Variants in UST observed in about 807,000 individuals in gnomAD.
UST encodes uronyl 2-sulfotransferase, also known as chondroitin sulfate 2-O-sulfotransferase.
A neutral mutation model predicts 45.6 loss-of-function variants in UST; 21 were observed. That is an observed-to-expected ratio of 0.46 (90% CI 0.33 to 0.66). UST has a LOEUF of 0.66. Among genes scored for constraint, UST ranks in the 30% least tolerant of loss-of-function variants. The pLI is 0.02. For missense variants in UST, 463 were observed against 512.4 expected (o/e 0.90, Z 0.93); for synonymous variants, 215 against 200.6 (o/e 1.07, Z -0.61).
chr6:148,862,641 G>T (rs1300517853), intron 1 of UST, among the ~76,000 whole-genome samples: 1 of 152,200 alleles, frequency 6.6e-6, no homozygotes, highest in African/African-American at 2.4e-5. Flanking sequence ...GGTACTGGTT[G>T]TTCCTTTCCA....
chr6:149,011,277 T>C (rs979023829), intron 5 of UST, among the ~76,000 whole-genome samples: 1 of 152,058 alleles, frequency 6.6e-6, no homozygotes, highest in African/African-American at 2.4e-5. Flanking sequence ...ATTGAACTCA[T>C]GGAGATAGAG....
Position 148,953,924 on chromosome 6 carries a change from G to T in UST, c.500G>T (p.Arg167Leu). The T allele has an allele frequency of 1.2e-6, 2 of 1,607,860 alleles. No individual in the cohort carries two copies. The highest frequency in any genetic ancestry group is 1.7e-6 in the Non-Finnish European group (2 of 1,177,578). The change falls in exon 4 of 8, where the codon CGA becomes CTA. Residue 167 changes from arginine (R) to leucine (L), a missense_variant. Around this residue, in one of 2 missense-constraint regions of UST, gnomAD observed 287 missense variants for 374.2 expected, o/e 0.77. Transcript: ENST00000367463. ...STAEQPYLFT[R>L]HVHFLNFSRF... ...GCCGAACAACCCTATTTATTCACTC[G>T]ACATGTTCATTTCCTCAACTTCTCA... is the stretch of plus-strand genomic sequence containing the variant.
chr6:149,060,857 A>G (rs985043258), intron 7 of UST, among the ~76,000 whole-genome samples: 2 of 152,224 alleles, frequency 1.3e-5, no homozygotes, highest in African/African-American at 4.8e-5. Context: ...CTGAAGCTGT[A>G]GAACTGGTGC....
At chr6:149,067,177 C>T (rs994304123) in intron 7 of UST, among the ~76,000 whole-genome samples, 5 of 152,268 alleles carry the variant, frequency 3.3e-5, no homozygotes, top group Middle Eastern at 3.4e-3. Context: ...TTTGGGACAA[C>T]GTTCATCTGA....
At position 148,998,539 on chromosome 6, in the gene UST, T is replaced by C. The variant is rs1406754088; in HGVS notation, c.682-20600T>C. Reference sequence around the variant, plus strand: ...TCCATGATTATTTTAAGCTTGAGAATAGCAAAATTGTAGCCCCCATAGGAT... The same window carrying C: ...TCCATGATTATTTTAAGCTTGAGAACAGCAAAATTGTAGCCCCCATAGGAT... On this transcript the variant is annotated intron_variant, in intron 5 of 7. Coordinates refer to ENST00000367463, the MANE Select transcript of UST (RefSeq NM_005715.3). 3.3e-5 allele frequency among the ~76,000 whole-genome samples: 5 copies of C among 152,318 alleles called. No individual in the cohort carries two copies. The East Asian group carries it at 9.6e-4, about 29-fold the overall frequency.
chr6:148,951,107 C>A (rs1348190303), intron 3 of UST, among the ~76,000 whole-genome samples: 2 of 152,176 alleles, frequency 1.3e-5, no homozygotes, highest in Non-Finnish European at 2.9e-5. Flanking sequence ...GAGGAAGGAA[C>A]AAGGAGGGCT....
At chr6:148,752,870 AG>A (rs1307244847) in intron 1 of UST, among the ~76,000 whole-genome samples, 1 of 152,214 alleles carries the variant, frequency 6.6e-6, no homozygotes, top group African/African-American at 2.4e-5. Flanking sequence ...TAGAATTATT[AG>A]GAGTTGCTGC....
At chr6:148,757,490 A>C (rs1776119753) in intron 1 of UST, among the ~76,000 whole-genome samples, 1 of 152,166 alleles carries the variant, frequency 6.6e-6, no homozygotes, top group Non-Finnish European at 1.5e-5. Context: ...TGATTTTTGA[A>C]ATAGGGACTG....
chr6:148,988,356 T>C (rs923106300), intron 5 of UST, among the ~76,000 whole-genome samples: 4 of 151,950 alleles, frequency 2.6e-5, no homozygotes, highest in Admixed American at 1.3e-4. Context: ...GGTGAATCAC[T>C]TGAGGCCAGG....
intron 1 of UST, among the ~76,000 whole-genome samples, chr6:148,824,231 T>G (rs906263035): frequency 2.0e-5 from 3 of 152,178 alleles, no homozygotes; most frequent in Non-Finnish European, 4.4e-5. Flanking sequence ...CTGGAGAAGT[T>G]AGGTGTTGAG....
chr6:148,764,580 A>G (rs1039537956), intron 1 of UST, among the ~76,000 whole-genome samples: 1 of 152,178 alleles, frequency 6.6e-6, no homozygotes, highest in African/African-American at 2.4e-5. Flanking sequence ...AAAGGGAAAG[A>G]GTACAAAAGA....
At position 148,897,687 on chromosome 6, in the gene UST, C is replaced by T. The variant is rs183322287; in HGVS notation, c.291+10658C>T. ...TTTTTTTTTGGTAGAGATGGGGTCT[C>T]ACTCTGTTGCCCAGGCTGGCCTTGA... On this transcript the variant is annotated intron_variant, in intron 2 of 7. Transcript: ENST00000367463. Among the ~76,000 whole-genome samples the T allele has an allele frequency of 5.9e-5, 9 of 151,766 alleles. No homozygotes were observed. In the East Asian group the frequency reaches 1.7e-3, roughly 29 times the overall value.
Position 148,964,475 on chromosome 6 carries a change from A to G in UST, c.593A>G (p.Asn198Ser), listed in dbSNP as rs960313597. The change falls in exon 5 of 8, where the codon AAC (asparagine) becomes AGC (serine). Residue 198 changes from asparagine to serine, a missense_variant. By Grantham distance (46) the Asn-to-Ser change is conservative. This residue lies in a region of UST where 287 missense variants were observed against 374.2 expected (regional missense o/e 0.77). Transcript: ENST00000367463. ...GACCCCGTCAACCGGTTCTTATCCA[A>G]CTATTTTTTCCGTCGCTTTGGAGAC... The part of the protein sequence containing the change: ...IRDPVNRFLS[N>S]YFFRRFGDWR... 1 of 1,614,186 alleles carries G rather than the reference A, an allele frequency of 6.2e-7. No homozygotes were observed. The highest frequency in any genetic ancestry group is 1.3e-5 in the African/African-American group (1 of 75,040).
chr6:148,769,750 T>TG (rs1776386406), intron 1 of UST, among the ~76,000 whole-genome samples: 5 of 148,126 alleles, frequency 3.4e-5, no homozygotes, highest in South Asian at 2.2e-4. Context: ...GAGCCTGTGT[T>TG]TGTGTGTGTG....
intron 5 of UST, among the ~76,000 whole-genome samples, chr6:149,012,501 A>G (rs1582959034): frequency 6.6e-6 from 1 of 152,200 alleles, no homozygotes; most frequent in African/African-American, 2.4e-5. Flanking sequence ...CACTTCTAAC[A>G]CAGCCAGCGT....
chr6:149,006,929 A>G (rs1582955936), intron 5 of UST, among the ~76,000 whole-genome samples: 1 of 152,128 alleles, frequency 6.6e-6, no homozygotes, highest in East Asian at 1.9e-4. Context: ...ATGCTCATTT[A>G]TTATCTTCTG....
chr6:148,964,306 C>T, intron 4 of UST, 104 bp from the exon 5 acceptor site: 1 of 1,383,114 alleles, frequency 7.2e-7, no homozygotes, highest in Non-Finnish European at 1.0e-6. Flanking sequence ...CATAGGAGGT[C>T]ATCTTTCAAT....
At chr6:148,915,213 A>T (rs1425506544) in intron 2 of UST, among the ~76,000 whole-genome samples, 2 of 152,226 alleles carry the variant, frequency 1.3e-5, no homozygotes, top group Non-Finnish European at 2.9e-5. Flanking sequence ...AAATTGGACT[A>T]CATGTCATAG....
chr6:148,748,396 A>C lies in UST; in HGVS notation c.247+719A>C, dbSNP rs1775918680. The stretch of plus-strand genomic sequence containing the variant: ...TGTGTGCGTCTCAAGCTCAAGTCAA[A>C]ACTTGTGTGTGTGTGTGTGTGTGTG... On this transcript the variant is annotated intron_variant, in intron 1 of 7. Coordinates refer to ENST00000367463, the MANE Select transcript of UST (RefSeq NM_005715.3). This position sits in a 1 kb window ranked among gnomAD's most constrained non-coding sequence, Gnocchi z 5.3. Among the ~76,000 whole-genome samples, 1 of 133,866 alleles carries C rather than the reference A, an allele frequency of 7.5e-6. No individual in the cohort carries two copies. The highest frequency in any genetic ancestry group is 1.6e-5 in the Non-Finnish European group (1 of 63,246). The allele number at this position is 133,866 out of a possible 152,430, so 87.8% of individuals were successfully genotyped here.
Sources: allele counts gnomAD v4.1 joint callset (sites outside exome capture counted in the v4.1 genomes callset), GRCh38; gene constraint gnomAD v4.1.1; regional missense constraint gnomAD v4.1.1; non-coding constraint Gnocchi (gnomAD v3.1); transcripts MANE v1.5; gene names NCBI Gene and HGNC (gene_info 2026-07-23, HGNC 2026-07-21).